The following KRT8 variants were observed in gnomAD, a reference collection of about 807,000 sequenced individuals.
The protein encoded by KRT8 is keratin, type II cytoskeletal 8.
In KRT8, 24 loss-of-function variants were observed where a neutral mutation model predicts 43.0. The ratio of observed to expected loss-of-function variants is 0.56; its 90% CI spans 0.40 to 0.78. KRT8 has a LOEUF of 0.78. Among genes scored for constraint, KRT8 ranks in the 30% least tolerant of loss-of-function variants. The pLI is 0.00. For missense variants in KRT8, 492 were observed against 638.4 expected (o/e 0.77, Z 2.47); for synonymous variants, 214 against 261.2 (o/e 0.82, Z 1.74).
rs1421340666 is a variant in KRT8 at position 52,905,056 on chromosome 12, G to A, written c.-75C>T. 4.7e-5 allele frequency: 72 copies of A among 1,535,294 alleles called. 1 individual carries two copies. Among genetic ancestry groups the A allele is most frequent in the Non-Finnish European group, 6.3e-5 (72 of 1,145,102 alleles). The stretch of plus-strand genomic sequence containing the variant: ...GAAGGAGCGGAGAAGCTGCTTCTTG[G>A]TGAGGAGAGCTCTCAGGAATGGCCT... On this transcript the variant is annotated 5_prime_UTR_variant, in exon 1 of 8. Coordinates refer to ENST00000692008, the Ensembl canonical transcript of KRT8.
At chr12:52,912,718 G>A (rs774191959) in intron 2 of KRT8, among the ~76,000 whole-genome samples, 7 of 152,204 alleles carry the variant, frequency 4.6e-5, no homozygotes, top group Non-Finnish European at 7.3e-5. Flanking sequence ...CCACAGTTTA[G>A]GCTATTCCCA....
intron 2 of KRT8, 64 bp downstream of exon 2, chr12:52,901,800 A>T: frequency 8.7e-7 from 1 of 1,146,934 alleles, no homozygotes; most frequent in Non-Finnish European, 1.3e-6. Flanking sequence ...ACTTAGTCCC[A>T]AGGTCCCAAG....
At chr12:52,937,886 G>C (rs1942193586) in intron 2 of KRT8, among the ~76,000 whole-genome samples, 1 of 150,252 alleles carries the variant, frequency 6.7e-6, no homozygotes, top group Non-Finnish European at 1.5e-5. Context: ...TGTAGTCCCA[G>C]CTACTCGGGA....
intron 2 of KRT8, among the ~76,000 whole-genome samples, chr12:52,944,539 GA>G (rs1942314902): frequency 6.6e-6 from 1 of 152,184 alleles, no homozygotes; most frequent in African/African-American, 2.4e-5. Context: ...ACCAGGGTCA[GA>G]ATGGGCAAAG....
At chr12:52,902,338 A>C (rs1941392773) in intron 1 of KRT8, 1 of 498,382 alleles carries the variant, frequency 2.0e-6, no homozygotes, top group Non-Finnish European at 3.7e-6. Flanking sequence ...TTTGCAAACC[A>C]ATAGGCCTAA....
At chr12:52,926,333 C>CCCCA in intron 2 of KRT8, 1 of 465,316 alleles carries the variant, frequency 2.1e-6, no homozygotes, top group Non-Finnish European at 4.2e-6. Flanking sequence ...GCACTAGCTG[C>CCCCA]CCTCCCCACC....
intron 1 of KRT8, among the ~76,000 whole-genome samples, chr12:52,902,410 C>G (rs1020833293): frequency 6.6e-6 from 1 of 152,088 alleles, no homozygotes; most frequent in Non-Finnish European, 1.5e-5. Context: ...CTTTGGGAGT[C>G]TCCGGCGCCC....
At chr12:52,901,656 A>T in intron 2 of KRT8, 2 of 607,126 alleles carry the variant, frequency 3.3e-6, no homozygotes, top group Non-Finnish European at 5.9e-6. Flanking sequence ...GACAGTTGAG[A>T]TTGAAAGGGG....
rs568563027 is a variant in KRT8 at position 52,945,926 on chromosome 12, C to A, written c.-47+3530G>T. Among the ~76,000 whole-genome samples the A allele has an allele frequency of 3.7e-4, 55 of 148,778 alleles. No individual in the cohort carries two copies. In the Middle Eastern group the frequency reaches 0.011, roughly 29 times the overall value. On this transcript the variant is annotated intron_variant, in intron 2 of 6. Coordinates refer to the KRT8 transcript ENST00000546826. ...AGTGCTGGGAATCTGGAGGCCGAGA[C>A]CTTCACCCCAGCTCTCCAAGAGGCT...
chr12:52,906,886 C>A, upstream of KRT8: 1 of 409,944 alleles, frequency 2.4e-6, no homozygotes, highest in Non-Finnish European at 4.9e-6. Context: ...CACATAGGAC[C>A]CCTACCCAGA....
intron 2 of KRT8, among the ~76,000 whole-genome samples, chr12:52,939,707 CGG>C (rs57481033): frequency 0.75 from 112,577 of 150,414 alleles, 42,803 homozygotes; most frequent in East Asian, 0.9. Flanking sequence ...GAGTGACAGA[CGG>C]GGAGACTCCC....
intron 2 of KRT8, among the ~76,000 whole-genome samples, chr12:52,929,247 A>G (rs1942045973): frequency 7.2e-6 from 1 of 138,442 alleles, no homozygotes; most frequent in Admixed American, 7.8e-5. Flanking sequence ...GTGCAGCGGT[A>G]TGATCTCGAT....
upstream of KRT8, chr12:52,906,840 C>G (rs1941531253): frequency 2.2e-6 from 1 of 450,508 alleles, no homozygotes; most frequent in African/African-American, 2.0e-5. Context: ...CCCCATCCTT[C>G]TCTAGGAGAG....
intron 2 of KRT8, among the ~76,000 whole-genome samples, chr12:52,924,758 C>T (rs1941957715): frequency 6.6e-6 from 1 of 152,144 alleles, no homozygotes; most frequent in Admixed American, 6.5e-5. Context: ...TAAGAATTCA[C>T]CGTTCCTTCT....
At chr12:52,949,148 C>T (rs373418568) in intron 2 of KRT8, 201 of 1,591,316 alleles carry the variant, frequency 1.3e-4, no homozygotes, top group Non-Finnish European at 1.6e-4. Context: ...AGCCTGAGTC[C>T]TGTCCTTTCT....
chr12:52,901,441 A>G (rs913104513), intron 2 of KRT8: 2 of 603,598 alleles, frequency 3.3e-6, no homozygotes, highest in Non-Finnish European at 3.0e-6. Flanking sequence ...ATGAATACAC[A>G]TCGGATTGGA....
intron 2 of KRT8, among the ~76,000 whole-genome samples, chr12:52,936,127 C>G (rs1255409598): frequency 2.0e-5 from 3 of 152,108 alleles, no homozygotes; most frequent in African/African-American, 7.2e-5. Context: ...TGGCACACAC[C>G]TGTAATCCCA....
At chr12:52,918,249 A>AGAG in intron 2 of KRT8, among the ~76,000 whole-genome samples, 1 of 151,888 alleles carries the variant, frequency 6.6e-6, no homozygotes, top group East Asian at 1.9e-4. Context: ...AAGAAGAAGA[A>AGAG]GAAGAAGAAA....
intron 2 of KRT8, among the ~76,000 whole-genome samples, chr12:52,940,061 G>T (rs574529119): frequency 6.6e-6 from 1 of 152,266 alleles, no homozygotes; most frequent in Admixed American, 6.5e-5. Context: ...TTAAAAGGAA[G>T]GATAAATACT....
Sources: allele counts gnomAD v4.1 joint callset (sites outside exome capture counted in the v4.1 genomes callset), GRCh38; gene constraint gnomAD v4.1.1; transcripts MANE v1.5; gene names NCBI Gene and HGNC (gene_info 2026-07-23, HGNC 2026-07-21).